The following UBE3B variants were observed in gnomAD, a reference collection of about 807,000 sequenced individuals.
UBE3B encodes ubiquitin-protein ligase E3B.
UBE3B carries 80 observed loss-of-function variants against 132.3 expected under a neutral mutation model. The observed-to-expected ratio is 0.60, with a 90% CI of 0.50 to 0.73. The LOEUF (loss-of-function observed/expected upper bound fraction) is 0.73, where lower values mean the gene tolerates loss of function less well. Among genes scored for constraint, UBE3B ranks in the 30% least tolerant of loss-of-function variants. UBE3B has a pLI of 0.00. For synonymous variants in UBE3B, 487 were observed against 520.4 expected (o/e 0.94, Z 0.87); for missense variants, 1,196 against 1,362.5 (o/e 0.88, Z 1.92).
In UBE3B at chr12:109,486,603, A is replaced by G. The variant is rs1022184254; in HGVS notation, c.447+28A>G. ...AACAAAAAAAAAAAAAAAAAAAAAAAGCAAAACCAGAAACAGTACGTATGT... is the reference window on the plus strand; with the variant it reads ...AACAAAAAAAAAAAAAAAAAAAAAAGGCAAAACCAGAAACAGTACGTATGT... On this transcript the variant is annotated intron_variant, in intron 6 of 27. Coordinates refer to ENST00000342494, the MANE Select transcript of UBE3B (RefSeq NM_130466.4). 13 of 1,334,398 alleles carry G rather than the reference A, an allele frequency of 9.7e-6. No individual in the cohort carries two copies. The African/African-American group carries it at 1.3e-4, about 13-fold the overall frequency. The allele number at this position is 1,334,398 out of a possible 1,614,324, so 82.7% of individuals were successfully genotyped here.
In UBE3B at chr12:109,521,532, T is replaced by A. The variant is rs772631499; in HGVS notation, c.2345T>A (p.Leu782Gln). Residue 782 changes from leucine (L) to glutamine (Q), a missense_variant, in exon 21 of 28, where the codon CTG becomes CAG. Coordinates refer to ENST00000342494, the MANE Select transcript of UBE3B (RefSeq NM_130466.4). The surrounding 1 kb of genome is among the most constrained non-coding windows in gnomAD (Gnocchi z 4.2). ...LQLFEFVGKM[L>Q]GKAVYEGIVV... ...CTCTTCGAGTTTGTGGGGAAGATGCTGGGGAAGGCTGTGTATGAGGTAGGA... is the reference window on the plus strand; with the variant it reads ...CTCTTCGAGTTTGTGGGGAAGATGCAGGGGAAGGCTGTGTATGAGGTAGGA... The A allele has an allele frequency of 3.8e-6, 6 of 1,595,652 alleles. No individual in the cohort carries two copies. The South Asian group carries it at 6.7e-5, about 18-fold the overall frequency.
chr12:109,503,384 G>A (rs1359775857), intron 14 of UBE3B, among the ~76,000 whole-genome samples, 194 bp downstream of exon 14: 1 of 151,860 alleles, frequency 6.6e-6, no homozygotes, highest in Non-Finnish European at 1.5e-5. Context: ...ATAAGCACTT[G>A]CATCTCATTC....
chr12:109,498,821 T>A (rs185731690), intron 11 of UBE3B, among the ~76,000 whole-genome samples: 1 of 151,490 alleles, frequency 6.6e-6, no homozygotes, highest in Admixed American at 6.6e-5. Context: ...ATAGGAAAAG[T>A]TTTTTTTGTT....
Position 109,521,635 on chromosome 12 carries a change from C to T in UBE3B, c.2364+84C>T. ...CTTCACATACACATATGTGATCAGG[C>T]TTGGCCATGTAAACTGTCACTAGGA... On this transcript the variant is annotated intron_variant, in intron 21 of 27. Transcript: ENST00000342494. This position sits in a 1 kb window ranked among gnomAD's most constrained non-coding sequence, Gnocchi z 4.2. 2.3e-6 allele frequency: 3 copies of T among 1,295,688 alleles called. 1 individual carries two copies. The South Asian group carries it at 5.0e-5, about 21-fold the overall frequency. The allele number at this position is 1,295,688 out of a possible 1,614,324, so 80.3% of individuals were successfully genotyped here.
At chr12:109,518,975 T>C (rs1881384128) in intron 19 of UBE3B, among the ~76,000 whole-genome samples, 1 of 152,148 alleles carries the variant, frequency 6.6e-6, no homozygotes, top group South Asian at 2.1e-4. Context: ...AGACTCATGC[T>C]CTCCTGGGCA....
rs1451330451 is a variant in UBE3B, at chr12:109,481,742, G to A, written c.-22G>A. Reference sequence around the variant, plus strand: ...TTTCTGCGACACAGGCAGGTCCTCAGGTGAGATCTCCAGACTTTACTGCTG... The same window carrying A: ...TTTCTGCGACACAGGCAGGTCCTCAAGTGAGATCTCCAGACTTTACTGCTG... On this transcript the variant is annotated splice_region_variant and 5_prime_UTR_variant, in exon 2 of 28. Coordinates refer to ENST00000342494, the MANE Select transcript of UBE3B (RefSeq NM_130466.4). The A allele has an allele frequency of 1.3e-5, 2 of 152,196 alleles. No homozygotes were observed. Among genetic ancestry groups the A allele is most frequent in the Non-Finnish European group, 2.9e-5 (2 of 68,040 alleles). The allele number at this position is 152,196 out of a possible 1,614,324, so 9.4% of individuals were successfully genotyped here.
downstream of UBE3B, among the ~76,000 whole-genome samples, chr12:109,538,544 C>T (rs1219894713): frequency 1.3e-5 from 2 of 152,196 alleles, no homozygotes; most frequent in Non-Finnish European, 2.9e-5. This position sits in a 1 kb window ranked among gnomAD's most constrained non-coding sequence, Gnocchi z 4.1. Context: ...TTACATATGA[C>T]GCACCCAGCG....
At chr12:109,527,201 C>A (rs11609871) in intron 24 of UBE3B, among the ~76,000 whole-genome samples, 1 of 152,008 alleles carries the variant, frequency 6.6e-6, no homozygotes, top group Non-Finnish European at 1.5e-5. Context: ...ACTCTGAGGC[C>A]CAGCAACTAT....
intron 4 of UBE3B, among the ~76,000 whole-genome samples, chr12:109,485,776 C>T (rs1234933994): frequency 2.0e-5 from 3 of 152,084 alleles, no homozygotes; most frequent in Admixed American, 2.0e-4. Flanking sequence ...TGAAGTATAC[C>T]AGTTTCTAAA....
At chr12:109,490,036 TCTC>T (rs1221344782) in intron 8 of UBE3B, 32 bp downstream of exon 8, 1 of 1,593,100 alleles carries the variant, frequency 6.3e-7, no homozygotes, top group African/African-American at 1.3e-5. Flanking sequence ...GTGTGCAACT[TCTC>T]CACTCTCCAA....
Position 109,483,653 on chromosome 12 carries a change from T to C in UBE3B, c.102T>C (p.Val34=). The part of the protein sequence containing the change: ...LVQKERERAA[V]VIQAHVRSFL... Reference sequence around the variant, plus strand: ...AGAAGGAACGGGAGCGGGCAGCTGTTGTGATCCAGGCCCATGTCCGGAGTT... The same window carrying C: ...AGAAGGAACGGGAGCGGGCAGCTGTCGTGATCCAGGCCCATGTCCGGAGTT... The change falls in exon 3 of 28, where the codon GTT becomes GTC. Residue 34 remains valine, a synonymous_variant. Transcript: ENST00000342494. The C allele has an allele frequency of 6.2e-7, 1 of 1,613,440 alleles. No homozygotes were observed. The highest frequency in any genetic ancestry group is 8.5e-7 in the Non-Finnish European group (1 of 1,179,818).
intron 23 of UBE3B, among the ~76,000 whole-genome samples, chr12:109,524,828 A>G (rs1490099127): frequency 6.6e-6 from 1 of 151,980 alleles, no homozygotes; most frequent in African/African-American, 2.4e-5. Flanking sequence ...GTCTTAGAGA[A>G]GGGGAAGATG....
At chr12:109,532,004 G>T (rs1162629461) in intron 26 of UBE3B, among the ~76,000 whole-genome samples, 1 of 151,978 alleles carries the variant, frequency 6.6e-6, no homozygotes, top group African/African-American at 2.4e-5. Flanking sequence ...TGTAACCCTT[G>T]CCCAGGAGTG....
chr12:109,498,310 T>C lies in UBE3B; in HGVS notation c.897T>C (p.Asp299=). 6.2e-7 allele frequency: 1 copy of C among 1,614,160 alleles called. No individual in the cohort carries two copies. Among genetic ancestry groups the C allele is most frequent in the Non-Finnish European group, 8.5e-7 (1 of 1,180,016 alleles). The change falls in exon 11 of 28, where the codon GAT becomes GAC. Residue 299 remains aspartate (D), a synonymous_variant. Transcript: ENST00000342494. ...TAAGAGACCAAGATCGATGCCGTGATGTATGTGAAAGTTTAGAAGGATGCC... is the reference window on the plus strand; with the variant it reads ...TAAGAGACCAAGATCGATGCCGTGACGTATGTGAAAGTTTAGAAGGATGCC... The part of the protein sequence containing the change: ...IFLRDQDRCR[D]VCESLEGCHT...
chr12:109,498,275 A>T lies in UBE3B; in HGVS notation c.862A>T (p.Ile288Phe). ...ATCCCATGACATGCTTCGTAAATTC[A>T]TCATATTTTTAAGAGACCAAGATCG... ...LESHDMLRKF[I>F]IFLRDQDRCR... Residue 288 changes from isoleucine (I) to phenylalanine (F), a missense_variant, in exon 11 of 28, where the codon ATC (isoleucine) becomes TTC (phenylalanine). Physicochemically the swap from Ile to Phe is conservative, Grantham distance 21 (BLOSUM62 0). Coordinates refer to ENST00000342494, the MANE Select transcript of UBE3B (RefSeq NM_130466.4). The T allele has an allele frequency of 6.2e-7, 1 of 1,614,122 alleles. No individual in the cohort carries two copies. The highest frequency in any genetic ancestry group is 8.5e-7 in the Non-Finnish European group (1 of 1,179,996).
intron 22 of UBE3B, 29 bp from the exon 23 acceptor site, chr12:109,524,409 T>TA: frequency 1.2e-6 from 2 of 1,613,872 alleles, no homozygotes; most frequent in East Asian, 4.5e-5. Context: ...TCCATGGCCC[T>TA]AACACTTTCC....
chr12:109,521,270 G>A lies in UBE3B; in HGVS notation c.2199G>A (p.Glu733=). The A allele has an allele frequency of 6.2e-7, 1 of 1,614,206 alleles. No homozygotes were observed. The highest frequency in any genetic ancestry group is 1.7e-5 in the Admixed American group (1 of 60,020). Residue 733 remains glutamate (E), a synonymous_variant, in exon 20 of 28, where the codon GAG becomes GAA. Coordinates refer to ENST00000342494, the MANE Select transcript of UBE3B (RefSeq NM_130466.4). The surrounding 1 kb of genome is among the most constrained non-coding windows in gnomAD (Gnocchi z 4.2). ...TTGATCAAGACGGTGTTTTTAAGGA[G>A]TTCTTGGAAGAGATCATCAAGAGAG... ...AGIDQDGVFK[E]FLEEIIKRVF...
intron 19 of UBE3B, chr12:109,519,887 A>ATAAAAT (rs10675153): frequency 6.6e-6 from 1 of 151,572 alleles, no homozygotes; most frequent in Non-Finnish European, 1.5e-5. Context: ...TAACCCCTGA[A>ATAAAAT]TCGGGGCACC....
intron 7 of UBE3B, 34 bp downstream of exon 7, chr12:109,488,702 C>A: frequency 6.3e-7 from 1 of 1,584,684 alleles, no homozygotes; most frequent in Non-Finnish European, 8.7e-7. Flanking sequence ...GTTCTCTAAC[C>A]AACATTTCCA....
Sources: gnomAD v4.1 joint callset for allele counts (sites outside exome capture counted in the v4.1 genomes callset) on GRCh38, gnomAD v4.1.1 for gene constraint, Gnocchi (gnomAD v3.1) non-coding constraint, MANE v1.5 for transcripts, NCBI Gene and HGNC (gene_info 2026-07-23, HGNC 2026-07-21) for gene names.